The following LNPK variants were observed in gnomAD, a reference collection of about 807,000 sequenced individuals.
The protein encoded by LNPK is endoplasmic reticulum junction formation protein lunapark.
Under a neutral mutation model 55.2 loss-of-function variants are expected in LNPK, and 29 were observed. The ratio of observed to expected loss-of-function variants is 0.53; its 90% CI spans 0.39 to 0.72. The LOEUF (loss-of-function observed/expected upper bound fraction) is 0.72, where lower values mean the gene tolerates loss of function less well. Ranked by LOEUF, LNPK falls within the 30% of genes least tolerant of loss-of-function variation. The pLI is 0.00. For missense variants in LNPK, 467 were observed against 494.8 expected (o/e 0.94, Z 0.53); for synonymous variants, 162 against 168.2 (o/e 0.96, Z 0.29).
rs901853053 is a variant in LNPK, at chr2:175,937,398, C to T, written c.1000G>A (p.Val334Ile). ...KRQVVEGSSS[V>I]GPLPSGSVLS... ...ACACTTCCTGATGGCAAGGGACCAA[C>T]TGAACTTGAACCTTCCACCACCTGC... The change falls in exon 12 of 13, where the codon GTT (valine) becomes ATT (isoleucine). Residue 334 changes from valine (V) to isoleucine (I), a missense_variant. Val to Ile is a conservative substitution (Grantham distance 29). Coordinates refer to ENST00000272748, the MANE Select transcript of LNPK (RefSeq NM_030650.3). 6.2e-7 allele frequency: 1 copy of T among 1,613,750 alleles called. No homozygotes were observed. The highest frequency in any genetic ancestry group is 1.7e-5 in the Admixed American group (1 of 59,998).
chr2:175,972,284 C>T (rs1018501619), intron 5 of LNPK, among the ~76,000 whole-genome samples: 3 of 152,088 alleles, frequency 2.0e-5, no homozygotes, highest in African/African-American at 7.2e-5. Context: ...GGTTGAGTAT[C>T]TCTTATCTGA....
chr2:175,977,890 A>C (rs1686986670), intron 5 of LNPK, among the ~76,000 whole-genome samples: 1 of 151,742 alleles, frequency 6.6e-6, no homozygotes, highest in South Asian at 2.1e-4. Flanking sequence ...GCCAATAGGA[A>C]TAATAAAACA....
At chr2:175,969,492 C>T (rs1686553150) in intron 6 of LNPK, among the ~76,000 whole-genome samples, 1 of 152,172 alleles carries the variant, frequency 6.6e-6, no homozygotes, top group Non-Finnish European at 1.5e-5. Flanking sequence ...CATTGGGCTG[C>T]TTCTCATCAC....
intron 12 of LNPK, among the ~76,000 whole-genome samples, chr2:175,936,283 C>T (rs953559834): frequency 4.6e-5 from 7 of 152,138 alleles, no homozygotes; most frequent in African/African-American, 1.7e-4. Flanking sequence ...TCAACACACA[C>T]ATTTTAGGTT....
intron 8 of LNPK, among the ~76,000 whole-genome samples, chr2:175,952,997 G>A (rs933267251): frequency 3.9e-5 from 6 of 152,084 alleles, no homozygotes. Context: ...CCAAAGTTCA[G>A]TGGCCAAGTA....
intron 8 of LNPK, among the ~76,000 whole-genome samples, chr2:175,950,893 A>G (rs58369227): frequency 0.14 from 20,573 of 152,178 alleles, 1,768 homozygotes; most frequent in Non-Finnish European, 0.2. Flanking sequence ...ATCAAAAACT[A>G]AGCAATCTAG....
chr2:175,954,421 T>C (rs562198483), intron 8 of LNPK, among the ~76,000 whole-genome samples: 2 of 152,292 alleles, frequency 1.3e-5, no homozygotes, highest in East Asian at 1.9e-4. Context: ...AGATTGCAGA[T>C]AGAATTAAGA....
intron 9 of LNPK, chr2:175,940,871 A>AAAAATCCAC (rs1050059523): frequency 3.4e-5 from 12 of 358,012 alleles, no homozygotes; most frequent in Non-Finnish European, 6.5e-5. Context: ...CTAGTATAAA[A>AAAAATCCAC]AAAATCCACA....
At chr2:176,001,137 C>A (rs1277340697) in intron 1 of LNPK, among the ~76,000 whole-genome samples, 1 of 152,188 alleles carries the variant, frequency 6.6e-6, no homozygotes, top group Non-Finnish European at 1.5e-5. Flanking sequence ...AAACGCACCA[C>A]TCCTGTTTAA....
At chr2:175,953,788 A>C (rs1303682201) in intron 8 of LNPK, among the ~76,000 whole-genome samples, 1 of 151,732 alleles carries the variant, frequency 6.6e-6, no homozygotes, top group Non-Finnish European at 1.5e-5. Flanking sequence ...AAAAAAAAAA[A>C]AGTATTCTTC....
chr2:175,993,161 C>A (rs1687777745), intron 3 of LNPK, 21 bp downstream of exon 3: 1 of 1,456,500 alleles, frequency 6.9e-7, no homozygotes. Context: ...AATTAAAATA[C>A]CTCACAGCCA....
intron 9 of LNPK, 45 bp downstream of exon 9, chr2:175,947,435 G>T: frequency 1.3e-6 from 2 of 1,531,340 alleles, no homozygotes; most frequent in South Asian, 2.3e-5. Flanking sequence ...TTGGTAACCA[G>T]AGAAAACAAT....
intron 4 of LNPK, among the ~76,000 whole-genome samples, chr2:175,985,949 C>T (rs1165335731): frequency 2.6e-5 from 4 of 152,112 alleles, no homozygotes; most frequent in Non-Finnish European, 5.9e-5. Flanking sequence ...GGTGAGGGTA[C>T]CTGCAACCTG....
intron 4 of LNPK, among the ~76,000 whole-genome samples, chr2:175,987,173 G>A (rs1263441148): frequency 6.6e-6 from 1 of 152,044 alleles, no homozygotes; most frequent in Non-Finnish European, 1.5e-5. Context: ...CCATTACTGG[G>A]TATATACCCA....
intron 4 of LNPK, among the ~76,000 whole-genome samples, chr2:175,987,204 C>G (rs527965273): frequency 6.6e-6 from 1 of 152,148 alleles, no homozygotes; most frequent in Non-Finnish European, 1.5e-5. Context: ...AATCATGCTG[C>G]TATAAAGACA....
Position 175,966,199 on chromosome 2 carries a change from G to A in LNPK, c.358-1610C>T, listed in dbSNP as rs539764738. Among the ~76,000 whole-genome samples, 602 of 152,268 alleles carry A rather than the reference G, an allele frequency of 4.0e-3. 7 individuals carry two copies. The highest frequency in any genetic ancestry group is 5.9e-3 in the Admixed American group (90 of 15,284). ...CTGCCTCAGGCTCCCAAGTAGCTAG[G>A]ATTACAGATGCGCGCCACCACACCC... On this transcript the variant is annotated intron_variant, in intron 6 of 12. Coordinates refer to ENST00000272748, the MANE Select transcript of LNPK (RefSeq NM_030650.3).
In LNPK at chr2:175,964,581, T is replaced by C. The variant is rs373996507; in HGVS notation, c.366A>G (p.Glu122=). ...LKSQRKKILE[E]VMEKETYKTA... is the part of the protein sequence containing the mutation. ...TCTTGTAAGTTTCTTTTTCCATGAC[T>C]TCTTCAAGCTACGAACAAAAATTTC... Residue 122 remains glutamate (E), a synonymous_variant, in exon 7 of 13, where the codon GAA becomes GAG. Transcript: ENST00000272748. 3.6e-5 allele frequency: 58 copies of C among 1,596,392 alleles called. No individual in the cohort carries two copies. The East Asian group carries it at 1.1e-3, about 29-fold the overall frequency.
intron 5 of LNPK, 61 bp downstream of exon 5, chr2:175,979,749 C>T: frequency 2.3e-6 from 3 of 1,315,168 alleles, no homozygotes; most frequent in South Asian, 2.9e-5. Flanking sequence ...ACCTGTCTTA[C>T]CAGCACATTC....
At chr2:175,967,792 T>C (rs1213833486) in intron 6 of LNPK, 1 of 967,484 alleles carries the variant, frequency 1.0e-6, no homozygotes, top group African/African-American at 1.8e-5. Context: ...TTTCTTCTGT[T>C]ATTGTGTAGC....
Sources: gnomAD v4.1 joint callset for allele counts (sites outside exome capture counted in the v4.1 genomes callset) on GRCh38, gnomAD v4.1.1 for gene constraint, MANE v1.5 for transcripts, NCBI Gene and HGNC (gene_info 2026-07-23, HGNC 2026-07-21) for gene names.